The following HOMER1 variants were observed in gnomAD, a reference collection of about 807,000 sequenced individuals.
The protein encoded by HOMER1 is homer protein homolog 1.
Under a neutral mutation model 48.9 loss-of-function variants are expected in HOMER1, and 3 were observed. The ratio of observed to expected loss-of-function variants is 0.06; its 90% CI spans 0.03 to 0.16. HOMER1 has a LOEUF of 0.16. Among genes scored for constraint, HOMER1 ranks in the 10% least tolerant of loss-of-function variants. The probability of loss-of-function intolerance (pLI) is 1.00; values close to 1 mark genes in which losing one functional copy is unlikely to be tolerated. For synonymous variants in HOMER1, 134 were observed against 146.4 expected, an observed-to-expected ratio of 0.92 and a Z score of 0.61; for missense variants, 247 against 411.4, an observed-to-expected ratio of 0.60 and a Z score of 3.46.
At position 79,400,085 on chromosome 5, in the gene HOMER1, A is replaced by ATT. The variant is rs5868992; in HGVS notation, c.684+1812_684+1813dup. ...TTTCTGGCTATGACAATTGTCATAA[A>ATT]TTTTTTTTTGTGGTAAAAAACATAT... is the stretch of plus-strand genomic sequence containing the variant. On this transcript the variant is annotated intron_variant, in intron 6 of 8. Coordinates refer to ENST00000334082, the MANE Select transcript of HOMER1 (RefSeq NM_004272.5). 4.6e-3 allele frequency among the ~76,000 whole-genome samples: 695 copies of ATT among 151,172 alleles called. 4 individuals are homozygous for ATT. The highest frequency in any genetic ancestry group is 0.015 in the African/African-American group (605 of 41,314).
intron 1 of HOMER1, among the ~76,000 whole-genome samples, chr5:79,460,453 T>A (rs1031663755): frequency 2.0e-5 from 3 of 151,892 alleles, no homozygotes; most frequent in Admixed American, 1.3e-4. Flanking sequence ...TTGGCAGCAA[T>A]AAAAAGGAGG....
chr5:79,429,465 T>G (rs1750360493), intron 5 of HOMER1, among the ~76,000 whole-genome samples: 1 of 152,188 alleles, frequency 6.6e-6, no homozygotes, highest in African/African-American at 2.4e-5. Flanking sequence ...TACCATCAGC[T>G]GATTTTTGAC....
chr5:79,489,948 C>T (rs1297444481), intron 1 of HOMER1, among the ~76,000 whole-genome samples: 1 of 152,186 alleles, frequency 6.6e-6, no homozygotes, highest in Admixed American at 6.5e-5. Flanking sequence ...CCTGGCACAA[C>T]TTGACTTGTA....
At chr5:79,412,407 ATC>A (rs1467894816) in intron 5 of HOMER1, among the ~76,000 whole-genome samples, 1 of 152,226 alleles carries the variant, frequency 6.6e-6, no homozygotes, top group Non-Finnish European at 1.5e-5. Flanking sequence ...TCTTAAAGTT[ATC>A]TGTGTTTATA....
chr5:79,511,068 G>A, intron 1 of HOMER1: 2 of 277,654 alleles, frequency 7.2e-6, no homozygotes, highest in Non-Finnish European at 1.3e-5. Flanking sequence ...AGGCATTCAT[G>A]CAGCTTAAAG....
At chr5:79,392,955 G>GAA (rs1561345981) in intron 8 of HOMER1, among the ~76,000 whole-genome samples, 1 of 814 alleles carries the variant, frequency 1.2e-3, no homozygotes, top group African/African-American at 1.7e-3. Context: ...AAGGGAAAGG[G>GAA]AGAGAGAGAG....
At chr5:79,465,760 T>G (rs978393502) in intron 1 of HOMER1, among the ~76,000 whole-genome samples, 1 of 151,712 alleles carries the variant, frequency 6.6e-6, no homozygotes, top group Non-Finnish European at 1.5e-5. Context: ...ACCCTGCTAA[T>G]TTTTTGTATT....
At chr5:79,393,021 T>C (rs1316293176) in intron 8 of HOMER1, among the ~76,000 whole-genome samples, 1 of 148,558 alleles carries the variant, frequency 6.7e-6, no homozygotes, top group Non-Finnish European at 1.5e-5. Flanking sequence ...AAAGCAAATA[T>C]AGCCAAAATG....
intron 1 of HOMER1, among the ~76,000 whole-genome samples, chr5:79,487,332 T>C (rs1752136322): frequency 6.6e-6 from 1 of 152,102 alleles, no homozygotes; most frequent in Non-Finnish European, 1.5e-5. Context: ...ATCAAGCTAA[T>C]AACACTGAAC....
Position 79,421,145 on chromosome 5 carries a change from T to C in HOMER1, c.527+17865A>G, listed in dbSNP as rs537141339. 2.0e-5 allele frequency among the ~76,000 whole-genome samples: 3 copies of C among 152,368 alleles called. No homozygotes were observed. The East Asian group carries it at 5.8e-4, about 29-fold the overall frequency. ...ATTTTCAAATAAAATTTAGAAACTATTTTTGAACTATTAGGGCAATATTTT... is the reference window on the plus strand; with the variant it reads ...ATTTTCAAATAAAATTTAGAAACTACTTTTGAACTATTAGGGCAATATTTT... On this transcript the variant is annotated intron_variant, in intron 5 of 8. Transcript: ENST00000334082.
chr5:79,466,851 G>A (rs960866318), intron 1 of HOMER1, among the ~76,000 whole-genome samples: 1 of 151,950 alleles, frequency 6.6e-6, no homozygotes, highest in African/African-American at 2.4e-5. Context: ...GAGTGCAGTG[G>A]CACAATCTCG....
chr5:79,483,806 G>C (rs1261515616), intron 1 of HOMER1, among the ~76,000 whole-genome samples: 1 of 150,136 alleles, frequency 6.7e-6, no homozygotes, highest in African/African-American at 2.5e-5. Flanking sequence ...GGTAATCCCA[G>C]CACTTTGGGA....
At chr5:79,471,093 T>A (rs187773240) in intron 1 of HOMER1, among the ~76,000 whole-genome samples, 3 of 152,080 alleles carry the variant, frequency 2.0e-5, no homozygotes, top group Admixed American at 2.0e-4. Context: ...AAAATGCAGA[T>A]GGCTGTTAAA....
At position 79,435,709 on chromosome 5, in the gene HOMER1, T is replaced by G. The variant is rs567706275; in HGVS notation, c.527+3301A>C. ...AGCAGGGTGTGGTGGCGGGCGCCTG[T>G]AGTCCCACCTACTCGGGAGGCTGAG... On this transcript the variant is annotated intron_variant, in intron 5 of 8. Coordinates refer to ENST00000334082, the MANE Select transcript of HOMER1 (RefSeq NM_004272.5). Among the ~76,000 whole-genome samples the G allele has an allele frequency of 6.0e-5, 9 of 149,546 alleles. 1 individual carries two copies. In the East Asian group the frequency reaches 1.8e-3, roughly 29 times the overall value.
intron 5 of HOMER1, among the ~76,000 whole-genome samples, chr5:79,413,692 G>GT (rs1749867578): frequency 7.7e-6 from 1 of 130,570 alleles, no homozygotes; most frequent in South Asian, 2.3e-4. Flanking sequence ...AAATTTTAAC[G>GT]TAAAAAAAAA....
intron 1 of HOMER1, among the ~76,000 whole-genome samples, chr5:79,464,838 C>T (rs558822137): frequency 6.6e-5 from 10 of 152,224 alleles, no homozygotes; most frequent in South Asian, 2.1e-4. Context: ...AAACCATATA[C>T]GAACTTTGAA....
intron 8 of HOMER1, among the ~76,000 whole-genome samples, chr5:79,379,110 A>G (rs1241918582): frequency 3.2e-5 from 3 of 95,010 alleles, no homozygotes; most frequent in Admixed American, 1.4e-4. Context: ...ATATATATAT[A>G]TATAAAATAT....
At chr5:79,503,719 T>G (rs1752670781) in intron 1 of HOMER1, among the ~76,000 whole-genome samples, 1 of 117,742 alleles carries the variant, frequency 8.5e-6, no homozygotes, top group African/African-American at 4.6e-5. Context: ...AGCAAGACTC[T>G]GCCTCCAAAA....
At chr5:79,397,207 T>G (rs942517882) in intron 7 of HOMER1, among the ~76,000 whole-genome samples, 1 of 152,274 alleles carries the variant, frequency 6.6e-6, no homozygotes, top group East Asian at 1.9e-4. Flanking sequence ...TATTAAAGTT[T>G]TGACTGGAAC....
Sources: gnomAD v4.1 joint callset for allele counts (sites outside exome capture counted in the v4.1 genomes callset) on GRCh38, gnomAD v4.1.1 for gene constraint, MANE v1.5 for transcripts, NCBI Gene and HGNC (gene_info 2026-07-23, HGNC 2026-07-21) for gene names.